Variants in RALGAPA2 observed in about 807,000 individuals in gnomAD.
RALGAPA2 encodes the protein ral GTPase-activating protein subunit alpha-2.
Under a neutral mutation model 230.4 loss-of-function variants are expected in RALGAPA2, and 139 were observed. That is an observed-to-expected ratio of 0.60 (90% CI 0.53 to 0.69). RALGAPA2 has a LOEUF of 0.69. RALGAPA2 is among the 30% of genes least tolerant of loss of function. The probability of loss-of-function intolerance (pLI) is 0.00; values close to 1 mark genes in which losing one functional copy is unlikely to be tolerated. For synonymous variants in RALGAPA2, 847 were observed against 837.8 expected, an observed-to-expected ratio of 1.01 and a Z score of -0.19; for missense variants, 2,163 against 2,276.0, an observed-to-expected ratio of 0.95 and a Z score of 1.01.
At chr20:20,483,816 G>C (rs1227814884) in intron 36 of RALGAPA2, among the ~76,000 whole-genome samples, 1 of 152,160 alleles carries the variant, frequency 6.6e-6, no homozygotes, top group Non-Finnish European at 1.5e-5. Flanking sequence ...AGAGAATCAA[G>C]TGCCAGACAG....
intron 37 of RALGAPA2, among the ~76,000 whole-genome samples, chr20:20,448,936 A>G (rs1471185728): frequency 6.6e-6 from 1 of 152,126 alleles, no homozygotes; most frequent in African/African-American, 2.4e-5. Context: ...CGGTGAGTCC[A>G]TAATTAGCAC....
chr20:20,677,151 C>T (rs2068356627), intron 2 of RALGAPA2, among the ~76,000 whole-genome samples: 4 of 152,074 alleles, frequency 2.6e-5, no homozygotes, highest in Admixed American at 2.6e-4. Flanking sequence ...GACAACAATC[C>T]CTGCCCCCAA....
intron 37 of RALGAPA2, among the ~76,000 whole-genome samples, chr20:20,450,527 T>C (rs2060963753): frequency 6.6e-6 from 1 of 152,218 alleles, no homozygotes; most frequent in Non-Finnish European, 1.5e-5. Context: ...CTCCTATTCT[T>C]AGGTCAAAAG....
rs760360675 is a variant in RALGAPA2, at chr20:20,531,660, C to T, written c.3582+27G>A. 4.0e-6 allele frequency: 6 copies of T among 1,518,094 alleles called. 1 individual carries two copies. In the East Asian group the frequency reaches 1.4e-4, roughly 35 times the overall value. 94.0% of individuals were successfully genotyped at this position (1,518,094 alleles called of 1,614,324 possible). A position where few individuals can be genotyped will look rare whatever the true frequency, so the allele number is the denominator to read the frequency against. On this transcript the variant is annotated intron_variant, in intron 27 of 39. Coordinates refer to ENST00000202677, the MANE Select transcript of RALGAPA2 (RefSeq NM_020343.4). ...AAATGCCTCAGATATGGCTTAATATCCAATCAGCACCACAAACTGGTAATA... is the reference window on the plus strand; with the variant it reads ...AAATGCCTCAGATATGGCTTAATATTCAATCAGCACCACAAACTGGTAATA...
At chr20:20,706,660 A>G (rs993073731) in intron 1 of RALGAPA2, among the ~76,000 whole-genome samples, 1 of 152,226 alleles carries the variant, frequency 6.6e-6, no homozygotes, top group African/African-American at 2.4e-5. Context: ...AGAGAGGCCA[A>G]TATCACAGCA....
intron 36 of RALGAPA2, among the ~76,000 whole-genome samples, chr20:20,485,175 T>C (rs141523013): frequency 7.3e-4 from 111 of 152,218 alleles, no homozygotes; most frequent in African/African-American, 2.7e-3. Context: ...ACAACCCTGC[T>C]CTAGTTCATG....
chr20:20,573,113 T>C (rs1327146473), intron 20 of RALGAPA2, 45 bp from the exon 21 acceptor site: 2 of 1,434,602 alleles, frequency 1.4e-6, no homozygotes, highest in South Asian at 1.5e-5. Context: ...CAATCTTGAT[T>C]TCATCATACC....
intron 16 of RALGAPA2, among the ~76,000 whole-genome samples, chr20:20,594,036 G>A (rs1232026035): frequency 2.6e-5 from 4 of 152,146 alleles, no homozygotes; most frequent in Non-Finnish European, 5.9e-5. Flanking sequence ...AGGAGCACTC[G>A]TGATTTAGTG....
chr20:20,479,991 G>A lies in RALGAPA2; in HGVS notation c.5368-7035C>T, dbSNP rs534759867. On this transcript the variant is annotated intron_variant, in intron 36 of 39. Coordinates refer to ENST00000202677, the MANE Select transcript of RALGAPA2 (RefSeq NM_020343.4). ...CCACCAGCAACAAATGGTTAGAAAA[G>A]GAAATATTATTTACAACAGCATAAA... Among the ~76,000 whole-genome samples, 8 of 152,046 alleles carry A rather than the reference G, an allele frequency of 5.3e-5. No individual in the cohort carries two copies. In the South Asian group the frequency reaches 1.0e-3, roughly 20 times the overall value.
intron 9 of RALGAPA2, among the ~76,000 whole-genome samples, chr20:20,633,869 T>G (rs894523423): frequency 1.3e-5 from 2 of 152,238 alleles, no homozygotes. Flanking sequence ...TCTAGCCAAC[T>G]ATTCCAATAC....
chr20:20,546,645 C>A, intron 24 of RALGAPA2, 59 bp downstream of exon 24: 1 of 1,507,708 alleles, frequency 6.6e-7, no homozygotes, highest in African/African-American at 1.4e-5. Flanking sequence ...GAAATCTGAA[C>A]CTTGTTAGCG....
intron 37 of RALGAPA2, among the ~76,000 whole-genome samples, chr20:20,416,620 G>C (rs1436002735): frequency 6.6e-6 from 1 of 152,198 alleles, no homozygotes; most frequent in Non-Finnish European, 1.5e-5. Context: ...GTAAACCTGA[G>C]TGCGTATGTG....
intron 23 of RALGAPA2, among the ~76,000 whole-genome samples, chr20:20,562,046 G>A (rs551676421): frequency 1.3e-5 from 2 of 152,172 alleles, no homozygotes; most frequent in Non-Finnish European, 2.9e-5. Context: ...GCTCACCACA[G>A]TAGAAAGTTA....
intron 38 of RALGAPA2, among the ~76,000 whole-genome samples, chr20:20,407,723 CT>C (rs1301820159): frequency 6.6e-6 from 1 of 152,188 alleles, no homozygotes; most frequent in Non-Finnish European, 1.5e-5. Flanking sequence ...AACATAACGA[CT>C]GTGTTGTAGA....
intron 33 of RALGAPA2, among the ~76,000 whole-genome samples, chr20:20,509,054 A>G (rs1194757193): frequency 6.6e-6 from 1 of 152,252 alleles, no homozygotes; most frequent in African/African-American, 2.4e-5. Context: ...GAAGCCTGGA[A>G]TAATTCAGCA....
intron 37 of RALGAPA2, among the ~76,000 whole-genome samples, chr20:20,447,632 CTT>C (rs67832544): frequency 0.013 from 1,814 of 144,110 alleles, 39 homozygotes; most frequent in African/African-American, 0.044. Flanking sequence ...ATCAAATTGC[CTT>C]TTTTTTTTTT....
intron 14 of RALGAPA2, among the ~76,000 whole-genome samples, chr20:20,608,557 C>T (rs902250850): frequency 5.3e-5 from 8 of 152,056 alleles, no homozygotes; most frequent in Non-Finnish European, 7.4e-5. Flanking sequence ...AAAAATGTCC[C>T]GTCCCTTTTA....
At chr20:20,420,991 G>A (rs2060264794) in intron 37 of RALGAPA2, among the ~76,000 whole-genome samples, 2 of 152,196 alleles carry the variant, frequency 1.3e-5, no homozygotes, top group African/African-American at 4.8e-5. Flanking sequence ...GCAATGTTTT[G>A]AGTAGTGATG....
At chr20:20,655,933 A>G (rs2067574815) in intron 3 of RALGAPA2, among the ~76,000 whole-genome samples, 1 of 152,224 alleles carries the variant, frequency 6.6e-6, no homozygotes, top group South Asian at 2.1e-4. Context: ...ATCCAGATGC[A>G]ATCTTAGACC....
Sources: gnomAD v4.1 joint callset for allele counts (sites outside exome capture counted in the v4.1 genomes callset) on GRCh38, gnomAD v4.1.1 for gene constraint, MANE v1.5 for transcripts, NCBI Gene and HGNC (gene_info 2026-07-23, HGNC 2026-07-21) for gene names.